CSGALNACT1: variants seen among roughly 807,000 people sequenced by gnomAD.
The protein encoded by CSGALNACT1 is chondroitin sulfate N-acetylgalactosaminyltransferase 1, also known as beta4GalNAcT-1.
In CSGALNACT1, 52 loss-of-function variants were observed where a neutral mutation model predicts 51.0. The ratio of observed to expected loss-of-function variants is 1.02; its 90% CI spans 0.82 to 1.29. The LOEUF is 1.29. CSGALNACT1 is among the 50% of genes most tolerant of loss of function. The pLI, the probability that CSGALNACT1 is intolerant of heterozygous loss-of-function variation, is 0.00. For synonymous variants in CSGALNACT1, 341 were observed against 254.4 expected (o/e 1.34, Z -3.24); for missense variants, 935 against 679.2 (o/e 1.38, Z -4.19).
intron 6 of CSGALNACT1, 23 bp from the exon 6 acceptor site, chr8:19,420,541 G>A: frequency 6.2e-7 from 1 of 1,611,200 alleles, no homozygotes; most frequent in South Asian, 1.1e-5. Flanking sequence ...ACCAGGTACT[G>A]TCACTCACAT....
At position 19,447,842 on chromosome 8, in the gene CSGALNACT1, GA is replaced by G. The variant is rs563524256; in HGVS notation, c.852-7912del. Among the ~76,000 whole-genome samples, 6 of 152,332 alleles carry G rather than the reference GA, an allele frequency of 3.9e-5. No homozygotes were observed. In the East Asian group the frequency reaches 1.2e-3, roughly 29 times the overall value. On this transcript the variant is annotated intron_variant, in intron 5 of 9. Transcript: ENST00000454498. ...TGTGGACTCACCTGTGAGTCCTAGA[GA>G]GACAAAGCTACAAAAAACGTGAGGC...
chr8:19,608,527 A>C (rs997852280), intron 1 of CSGALNACT1, among the ~76,000 whole-genome samples: 4 of 152,244 alleles, frequency 2.6e-5, no homozygotes, highest in Non-Finnish European at 4.4e-5. Context: ...ATGTGCTACT[A>C]CAATCTCCAC....
chr8:19,616,208 G>T (rs181046067), intron 1 of CSGALNACT1, among the ~76,000 whole-genome samples: 1 of 152,132 alleles, frequency 6.6e-6, no homozygotes. Context: ...ACTAGAAAAA[G>T]AAATACTCTG....
intron 4 of CSGALNACT1, among the ~76,000 whole-genome samples, chr8:19,504,723 T>C (rs911646563): frequency 2.0e-5 from 3 of 152,240 alleles, no homozygotes; most frequent in African/African-American, 7.2e-5. Flanking sequence ...TGAGCAACTT[T>C]AGCTATTTAA....
intron 6 of CSGALNACT1, 106 bp downstream of exon 5, chr8:19,439,723 AC>A: frequency 2.3e-6 from 2 of 853,898 alleles, no homozygotes; most frequent in Non-Finnish European, 3.9e-6. Flanking sequence ...ATCCCAGTTC[AC>A]CCACAGTGTA....
chr8:19,489,047 G>A (rs1258274459), intron 4 of CSGALNACT1, among the ~76,000 whole-genome samples: 1 of 152,144 alleles, frequency 6.6e-6, no homozygotes, highest in East Asian at 1.9e-4. Context: ...ATCTCCTACA[G>A]GTAGAAAATG....
At chr8:19,635,419 G>A (rs1314975649) in intron 1 of CSGALNACT1, among the ~76,000 whole-genome samples, 1 of 152,168 alleles carries the variant, frequency 6.6e-6, no homozygotes, top group Non-Finnish European at 1.5e-5. Context: ...TTTCCTCAAC[G>A]CTTTGATCTA....
At chr8:19,452,246 A>G (rs1273283817) in intron 5 of CSGALNACT1, among the ~76,000 whole-genome samples, 4 of 152,198 alleles carry the variant, frequency 2.6e-5, no homozygotes, top group African/African-American at 9.7e-5. Flanking sequence ...AGGTGAGAGA[A>G]GGCAGCCTGG....
intron 5 of CSGALNACT1, among the ~76,000 whole-genome samples, chr8:19,443,475 A>G (rs2153772484): frequency 6.6e-6 from 1 of 152,282 alleles, no homozygotes; most frequent in African/African-American, 2.4e-5. Context: ...TAATGGACTC[A>G]CAGTTCCACA....
intron 3 of CSGALNACT1, among the ~76,000 whole-genome samples, chr8:19,568,738 C>T (rs569777939): frequency 6.6e-6 from 1 of 152,206 alleles, no homozygotes; most frequent in East Asian, 1.9e-4. Flanking sequence ...TATATGGTGC[C>T]AATACAACCT....
intron 1 of CSGALNACT1, among the ~76,000 whole-genome samples, chr8:19,698,540 G>A (rs549814533): frequency 1.3e-5 from 2 of 152,284 alleles, no homozygotes; most frequent in Non-Finnish European, 2.9e-5. Flanking sequence ...CAATAAGGCC[G>A]AAGAATTAAG....
chr8:19,522,939 G>A (rs1415755609), intron 3 of CSGALNACT1, among the ~76,000 whole-genome samples: 1 of 152,194 alleles, frequency 6.6e-6, no homozygotes, highest in Non-Finnish European at 1.5e-5. Flanking sequence ...CAAACTGCAT[G>A]CTACTATCCT....
intron 3 of CSGALNACT1, among the ~76,000 whole-genome samples, chr8:19,578,026 C>T (rs1015641144): frequency 3.9e-5 from 6 of 152,212 alleles, no homozygotes; most frequent in Non-Finnish European, 4.4e-5. Context: ...GAAAAAATTA[C>T]TCCAGCACCA....
intron 4 of CSGALNACT1, among the ~76,000 whole-genome samples, chr8:19,480,848 G>A (rs142474179): frequency 3.3e-5 from 5 of 152,214 alleles, no homozygotes; most frequent in East Asian, 1.9e-4. Flanking sequence ...GAGGAAAAAC[G>A]AGGAATATTT....
chr8:19,477,635 A>G (rs2070087282), intron 4 of CSGALNACT1, among the ~76,000 whole-genome samples: 1 of 152,238 alleles, frequency 6.6e-6, no homozygotes, highest in South Asian at 2.1e-4. Context: ...TATCCCAATT[A>G]AAAGGAAGGG....
At chr8:19,577,668 A>G (rs1391806576) in intron 3 of CSGALNACT1, among the ~76,000 whole-genome samples, 2 of 151,902 alleles carry the variant, frequency 1.3e-5, no homozygotes, top group African/African-American at 2.4e-5. Flanking sequence ...CAACGAAAAT[A>G]TAAGGGCAAA....
At chr8:19,704,008 C>T (rs2062022711) in intron 1 of CSGALNACT1, among the ~76,000 whole-genome samples, 1 of 152,164 alleles carries the variant, frequency 6.6e-6, no homozygotes, top group African/African-American at 2.4e-5. Context: ...GCTCTTCCAG[C>T]CCCACTCAGT....
chr8:19,470,655 T>G (rs762567453), intron 4 of CSGALNACT1, among the ~76,000 whole-genome samples: 49 of 152,080 alleles, frequency 3.2e-4, no homozygotes, highest in Non-Finnish European at 5.1e-4. Flanking sequence ...AGGGGATGAT[T>G]CGGCAATCAT....
intron 4 of CSGALNACT1, among the ~76,000 whole-genome samples, chr8:19,476,464 A>G (rs2069674900): frequency 6.6e-6 from 1 of 151,812 alleles, no homozygotes; most frequent in East Asian, 1.9e-4. Context: ...CTGGTCTGGA[A>G]CTCCTGACCT....
Sources: allele counts gnomAD v4.1 joint callset (sites outside exome capture counted in the v4.1 genomes callset), GRCh38; gene constraint gnomAD v4.1.1; transcripts MANE v1.5; gene names NCBI Gene and HGNC (gene_info 2026-07-23, HGNC 2026-07-21).